Variants in PIKFYVE observed in about 807,000 individuals in gnomAD.
PIKFYVE encodes 1-phosphatidylinositol 3-phosphate 5-kinase.
In PIKFYVE, 122 loss-of-function variants were observed where a neutral mutation model predicts 257.9. The observed-to-expected ratio is 0.47, with a 90% CI of 0.41 to 0.55. PIKFYVE has a LOEUF of 0.55. PIKFYVE is among the 20% of genes least tolerant of loss of function. The pLI, the probability that PIKFYVE is intolerant of heterozygous loss-of-function variation, is 0.00. For missense variants in PIKFYVE, 2,160 were observed against 2,536.6 expected (o/e 0.85, Z 3.19); for synonymous variants, 892 against 868.9 (o/e 1.03, Z -0.47).
chr2:208,321,584 T>C (rs1696232177), intron 17 of PIKFYVE, among the ~76,000 whole-genome samples: 1 of 148,730 alleles, frequency 6.7e-6, no homozygotes, highest in South Asian at 2.1e-4. Context: ...TGTTTTTTTT[T>C]TTTTTTTTTT....
chr2:208,283,342 A>T (rs1691085142), intron 5 of PIKFYVE, among the ~76,000 whole-genome samples: 1 of 152,146 alleles, frequency 6.6e-6, no homozygotes. Flanking sequence ...GCTGTATCTC[A>T]TCAATCTTTG....
intron 14 of PIKFYVE, 43 bp from the exon 15 acceptor site, chr2:208,315,150 C>A: frequency 1.3e-6 from 2 of 1,506,380 alleles, no homozygotes; most frequent in South Asian, 1.1e-5. Flanking sequence ...TTGTCTCTGG[C>A]AGTATTAACT....
Position 208,314,348 on chromosome 2 carries a change from C to G in PIKFYVE, c.1751C>G (p.Pro584Arg). ...EEKSKELPFT[P>R]LGWHHNNLEL... is the part of the protein sequence containing the mutation. ...AAATCCAAAGAGCTGCCTTTCACAC[C>G]TTTGGGCTGGCATCATAACAACCTG... Residue 584 changes from proline to arginine, a missense_variant, in exon 14 of 42, where the codon CCT (proline) becomes CGT (arginine). By Grantham distance (103) the Pro-to-Arg change is moderately radical (BLOSUM62 -2). Around this residue, in one of 12 missense-constraint regions of PIKFYVE, gnomAD observed 346 missense variants for 365.6 expected, o/e 0.95. Coordinates refer to ENST00000264380, the MANE Select transcript of PIKFYVE (RefSeq NM_015040.4). 1 of 1,613,794 alleles carries G rather than the reference C, an allele frequency of 6.2e-7. No homozygotes were observed. The highest frequency in any genetic ancestry group is 8.5e-7 in the Non-Finnish European group (1 of 1,179,782).
intron 28 of PIKFYVE, among the ~76,000 whole-genome samples, chr2:208,338,126 A>G (rs573393763): frequency 5.3e-5 from 8 of 152,330 alleles, no homozygotes; most frequent in African/African-American, 1.9e-4. Flanking sequence ...CAGAAGCCAA[A>G]TATGAATCTA....
rs1487586088 is a variant in PIKFYVE at position 208,355,377 on chromosome 2, A to G, written c.*72A>G. ...GAACAAAGGACCAAAAATAAGCTAC[A>G]TGTTTTATTTCTTCATCGTGTTCAC... On this transcript the variant is annotated 3_prime_UTR_variant, in exon 42 of 42. Transcript: ENST00000264380. 8.3e-7 allele frequency: 1 copy of G among 1,206,402 alleles called. No homozygotes were observed. The highest frequency in any genetic ancestry group is 1.2e-6 in the Non-Finnish European group (1 of 819,810). 74.7% of individuals were successfully genotyped at this position (1,206,402 alleles called of 1,614,324 possible). A position where few individuals can be genotyped will look rare whatever the true frequency, so the allele number is the denominator to read the frequency against.
At chr2:208,270,993 G>A (rs1021879447) in intron 1 of PIKFYVE, among the ~76,000 whole-genome samples, 13 of 148,454 alleles carry the variant, frequency 8.8e-5, no homozygotes, top group African/African-American at 2.0e-4. Context: ...CCAGGATCAC[G>A]CCACTGCACT....
At chr2:208,287,245 C>A (rs1691690482) in intron 6 of PIKFYVE, among the ~76,000 whole-genome samples, 1 of 150,352 alleles carries the variant, frequency 6.7e-6, no homozygotes, top group African/African-American at 2.4e-5. Context: ...ATTTCACAGT[C>A]AGTGGTAGTG....
chr2:208,271,049 A>AG (rs1470181169), intron 1 of PIKFYVE, among the ~76,000 whole-genome samples: 1 of 152,098 alleles, frequency 6.6e-6, no homozygotes, highest in African/African-American at 2.4e-5. Context: ...AAAAAAAAAA[A>AG]AAAAGTTGAA....
intron 37 of PIKFYVE, 60 bp downstream of exon 37, chr2:208,351,007 A>G (rs2125812278): frequency 1.3e-6 from 2 of 1,594,738 alleles, no homozygotes; most frequent in African/African-American, 1.3e-5. Flanking sequence ...TACCTCAGAA[A>G]ATGCAGCAGG....
At chr2:208,269,686 TC>T in intron 1 of PIKFYVE, 1 of 247,356 alleles carries the variant, frequency 4.0e-6, no homozygotes. Context: ...CCCCATCATG[TC>T]CCCAAACTGG....
intron 5 of PIKFYVE, among the ~76,000 whole-genome samples, chr2:208,281,019 G>T (rs1389929698): frequency 2.6e-5 from 4 of 152,170 alleles, no homozygotes; most frequent in Non-Finnish European, 5.9e-5. Context: ...AGTAGCAGTA[G>T]TTCCTGCTGT....
intron 25 of PIKFYVE, 91 bp downstream of exon 25, chr2:208,335,510 A>G (rs1698032510): frequency 2.6e-6 from 3 of 1,134,184 alleles, no homozygotes; most frequent in Non-Finnish European, 3.9e-6. Context: ...TTGAAAATGT[A>G]AATTTTCTAA....
intron 7 of PIKFYVE, among the ~76,000 whole-genome samples, chr2:208,292,536 T>C (rs1692449814): frequency 6.6e-6 from 1 of 152,134 alleles, no homozygotes; most frequent in South Asian, 2.1e-4. Context: ...GATTTCTTTA[T>C]CATTATGTAA....
intron 38 of PIKFYVE, 117 bp from the exon 39 acceptor site, chr2:208,352,537 C>G (rs1312366187): frequency 4.9e-6 from 6 of 1,223,870 alleles, no homozygotes; most frequent in Non-Finnish European, 6.8e-6. Flanking sequence ...TTTCAAAGTC[C>G]TTTGGTCATA....
rs1700184769 is a variant in PIKFYVE, at chr2:208,356,752, C to G, written c.*1447C>G. 1 of 152,596 alleles carries G rather than the reference C, an allele frequency of 6.6e-6. No homozygotes were observed. The highest frequency in any genetic ancestry group is 6.5e-5 in the Admixed American group (1 of 15,276). The allele number at this position is 152,596 out of a possible 1,614,324, so 9.5% of individuals were successfully genotyped here. ...TTAAAAAGTGATCAGAAGTAGTAAA[C>G]TATCTTTGAGGAAATACTGTAACCC... is the stretch of plus-strand genomic sequence containing the variant. On this transcript the variant is annotated 3_prime_UTR_variant, in exon 42 of 42. Coordinates refer to ENST00000264380, the MANE Select transcript of PIKFYVE (RefSeq NM_015040.4).
In PIKFYVE at chr2:208,351,394, A is replaced by G. The variant is rs1699761792; in HGVS notation, c.5654A>G (p.Gln1885Arg). Residue 1885 changes from glutamine to arginine, a missense_variant, in exon 38 of 42, where the codon CAG (glutamine) becomes CGG (arginine). Transcript: ENST00000264380. ...AAGCAAATGCCTCGTCTGGAAGTCC[A>G]GTCCTTCCTCGACTTTGCACCACAT... ...ILKQMPRLEVQSFLDFAPHYF... is the reference protein window; with the variant it reads ...ILKQMPRLEVRSFLDFAPHYF... 1.2e-6 allele frequency: 2 copies of G among 1,613,912 alleles called. No homozygotes were observed. Among genetic ancestry groups the G allele is most frequent in the Non-Finnish European group, 1.7e-6 (2 of 1,179,878 alleles).
chr2:208,307,428 T>A (rs1229394476), intron 12 of PIKFYVE, among the ~76,000 whole-genome samples: 4 of 152,224 alleles, frequency 2.6e-5, no homozygotes, highest in African/African-American at 4.8e-5. Context: ...AATGGTTTTT[T>A]AAATAAGTCT....
rs760633442 is a variant in PIKFYVE at position 208,350,103 on chromosome 2, T to C, written c.5434+20T>C. 6.2e-7 allele frequency: 1 copy of C among 1,612,226 alleles called. No individual in the cohort carries two copies. Among genetic ancestry groups the C allele is most frequent in the South Asian group, 1.1e-5 (1 of 91,004 alleles). On this transcript the variant is annotated intron_variant, in intron 36 of 41. Transcript: ENST00000264380. Reference sequence around the variant, plus strand: ...AACTTCGTAAGTATGAGATATTATATCATTGGTTTGGGGAGAGGGACTACA... The same window carrying C: ...AACTTCGTAAGTATGAGATATTATACCATTGGTTTGGGGAGAGGGACTACA...
chr2:208,322,686 G>GAT (rs10639440), intron 17 of PIKFYVE, among the ~76,000 whole-genome samples: 3,917 of 115,380 alleles, frequency 0.034, 50 homozygotes, highest in Middle Eastern at 0.048. Flanking sequence ...AAGCTATCTT[G>GAT]ATATATATAT....
Sources: gnomAD v4.1 joint callset for allele counts (sites outside exome capture counted in the v4.1 genomes callset) on GRCh38, gnomAD v4.1.1 for gene constraint, gnomAD v4.1.1 regional missense constraint, MANE v1.5 for transcripts, NCBI Gene and HGNC (gene_info 2026-07-23, HGNC 2026-07-21) for gene names.